Variants in NAXD observed in about 807,000 individuals in gnomAD.
NAXD encodes ATP-dependent (S)-NAD(P)H-hydrate dehydratase.
In NAXD, 22 loss-of-function variants were observed where a neutral mutation model predicts 35.8. The ratio of observed to expected loss-of-function variants is 0.62; its 90% CI spans 0.44 to 0.88. The LOEUF is 0.88. Among genes scored for constraint, NAXD ranks in the 40% least tolerant of loss-of-function variants. NAXD has a pLI of 0.00. For synonymous variants in NAXD, 189 were observed against 177.6 expected (o/e 1.06, Z -0.51); for missense variants, 428 against 437.7 (o/e 0.98, Z 0.20).
intron 1 of NAXD, 68 bp downstream of exon 1, chr13:110,615,715 C>A: frequency 6.6e-7 from 1 of 1,513,484 alleles, no homozygotes; most frequent in Non-Finnish European, 8.8e-7. Context: ...GTCGCCGGCG[C>A]GGTCGTTGTC....
rs1887046928 is a variant in NAXD, at chr13:110,638,768, G to A, written c.*240G>A. ...ACAAAGTATTCCTGAACTTTCCTTAGCTCCTTGGTAGTAACTGGGAAGACA... is the reference window on the plus strand; with the variant it reads ...ACAAAGTATTCCTGAACTTTCCTTAACTCCTTGGTAGTAACTGGGAAGACA... On this transcript the variant is annotated 3_prime_UTR_variant, in exon 10 of 10. Transcript: ENST00000680254. The surrounding 1 kb of genome is among the most constrained non-coding windows in gnomAD (Gnocchi z 5.4). 1 of 678,100 alleles carries A rather than the reference G, an allele frequency of 1.5e-6. No individual in the cohort carries two copies. Among genetic ancestry groups the A allele is most frequent in the Non-Finnish European group, 2.7e-6 (1 of 369,854 alleles). The allele number at this position is 678,100 out of a possible 1,614,324, so 42.0% of individuals were successfully genotyped here.
intron 8 of NAXD, among the ~76,000 whole-genome samples, chr13:110,636,174 G>A (rs1241182871): frequency 2.0e-5 from 3 of 152,188 alleles, no homozygotes; most frequent in Non-Finnish European, 2.9e-5. Context: ...CTGGGGAGCC[G>A]TGCCCTTGTT....
intron 1 of NAXD, among the ~76,000 whole-genome samples, chr13:110,621,753 G>A (rs1343630150): frequency 6.6e-6 from 1 of 151,472 alleles, no homozygotes; most frequent in African/African-American, 2.4e-5. Flanking sequence ...GTTCAGGCTG[G>A]GCATGGTGGT....
At chr13:110,626,030 C>T (rs957679942) in intron 4 of NAXD, among the ~76,000 whole-genome samples, 4 of 152,094 alleles carry the variant, frequency 2.6e-5, no homozygotes, top group South Asian at 4.1e-4. Flanking sequence ...AGAGAGGAGC[C>T]GGCGCGGAGC....
At chr13:110,635,648 C>T (rs952561913) in intron 8 of NAXD, 60 bp downstream of exon 8, 39 of 1,589,274 alleles carry the variant, frequency 2.5e-5, no homozygotes, top group South Asian at 2.3e-4. Flanking sequence ...ATGGCCACAC[C>T]GAGCATGAGC....
chr13:110,622,713 TTG>T (rs1391086378), intron 2 of NAXD, among the ~76,000 whole-genome samples: 5 of 152,220 alleles, frequency 3.3e-5, no homozygotes, highest in Non-Finnish European at 7.3e-5. Context: ...TTGGTTTACT[TTG>T]TCAATTTAAA....
At chr13:110,625,119 C>T (rs181229166) in intron 3 of NAXD, 71 bp from the exon 4 acceptor site, 15 of 1,103,670 alleles carry the variant, frequency 1.4e-5, no homozygotes, top group East Asian at 7.1e-5. Flanking sequence ...GAGCGCTGGA[C>T]GCCTGTGTCT....
In NAXD at chr13:110,624,282, A is replaced by T; in HGVS notation, c.243+3A>T. On this transcript the variant is annotated splice_donor_region_variant and intron_variant, in intron 3 of 9. Transcript: ENST00000680254. ...CAGCAATCTCAGCTCTCAAAGTGGT[A>T]TGTTTACTTAAAATTTCTTTATTGG... 1 of 1,586,648 alleles carries T rather than the reference A, an allele frequency of 6.3e-7. No individual in the cohort carries two copies. The highest frequency in any genetic ancestry group is 8.6e-7 in the Non-Finnish European group (1 of 1,156,508).
intron 4 of NAXD, among the ~76,000 whole-genome samples, chr13:110,626,541 G>T (rs1322258130): frequency 3.6e-5 from 5 of 137,836 alleles, no homozygotes; most frequent in Non-Finnish European, 6.3e-5. Flanking sequence ...AGACGAGGGA[G>T]TAAGAGGCGG....
chr13:110,632,933 A>C (rs184563784), intron 5 of NAXD, among the ~76,000 whole-genome samples: 2,217 of 148,944 alleles, frequency 0.015, 26 homozygotes, highest in South Asian at 0.024. Context: ...GACTCTCCAC[A>C]TCCCCACCAG....
chr13:110,636,768 C>T lies in NAXD; in HGVS notation c.719-361C>T, dbSNP rs992909029. Among the ~76,000 whole-genome samples, 53 of 152,222 alleles carry T rather than the reference C, an allele frequency of 3.5e-4. 1 individual carries two copies. The highest frequency in any genetic ancestry group is 3.3e-4 in the Admixed American group (5 of 15,284). On this transcript the variant is annotated intron_variant, in intron 8 of 9. Transcript: ENST00000680254. ...GAGTGTGGGCTGCAGGTGAGGGCTC[C>T]GTCCCTGGGAGCTGGTGGGAGGAGC... is the stretch of plus-strand genomic sequence containing the variant.
Position 110,638,723 on chromosome 13 carries a change from A to C in NAXD, c.*195A>C, listed in dbSNP as rs1199644432. 5 of 726,362 alleles carry C rather than the reference A, an allele frequency of 6.9e-6. No homozygotes were observed. In the East Asian group the frequency reaches 1.1e-4, roughly 16 times the overall value. 45.0% of individuals were successfully genotyped at this position (726,362 alleles called of 1,614,324 possible). On this transcript the variant is annotated 3_prime_UTR_variant, in exon 10 of 10. Transcript: ENST00000680254. This position sits in a 1 kb window ranked among gnomAD's most constrained non-coding sequence, Gnocchi z 5.4. ...TTGGTTAAACTTAATGCATGGTTGGAGATGTTATGGCGACACTAAACAAAG... is the reference window on the plus strand; with the variant it reads ...TTGGTTAAACTTAATGCATGGTTGGCGATGTTATGGCGACACTAAACAAAG...
At chr13:110,618,919 T>C (rs1382036467) in intron 1 of NAXD, among the ~76,000 whole-genome samples, 1 of 152,164 alleles carries the variant, frequency 6.6e-6, no homozygotes, top group Non-Finnish European at 1.5e-5. Flanking sequence ...GCTTTTCCGC[T>C]CTGGGGAGCA....
Position 110,625,285 on chromosome 13 carries a change from C to T in NAXD, c.332+7C>T, listed in dbSNP as rs576922177. ...TGATCGTCCACCCAGTTCTGTGAGT[C>T]GCTCTGCGCCGGCTTCTCGTAGGTT... On this transcript the variant is annotated splice_region_variant and intron_variant, in intron 4 of 9. Transcript: ENST00000680254. 1.8e-5 allele frequency: 28 copies of T among 1,598,674 alleles called. No homozygotes were observed. Among genetic ancestry groups the T allele is most frequent in the Non-Finnish European group, 2.2e-5 (26 of 1,166,274 alleles).
intron 4 of NAXD, among the ~76,000 whole-genome samples, chr13:110,626,939 C>A (rs935115106): frequency 5.3e-5 from 8 of 152,160 alleles, no homozygotes; most frequent in Non-Finnish European, 8.8e-5. Context: ...GGCTTTACAG[C>A]CACACATGTA....
Position 110,638,945 on chromosome 13 carries a change from G to T in NAXD, c.*417G>T. 5.6e-6 allele frequency: 2 copies of T among 358,410 alleles called. No individual in the cohort carries two copies. The highest frequency in any genetic ancestry group is 4.3e-5 in the South Asian group (2 of 46,622). 22.2% of individuals were successfully genotyped at this position (358,410 alleles called of 1,614,324 possible). On this transcript the variant is annotated 3_prime_UTR_variant, in exon 10 of 10. Transcript: ENST00000680254. The surrounding 1 kb of genome is among the most constrained non-coding windows in gnomAD (Gnocchi z 5.4). ...GCTTCCCTTCCCTAGTCTTTCCTCC[G>T]GCAGGGAGCTGGGCAGGGGTCCCCG...
Position 110,618,399 on chromosome 13 carries a change from GGTTGAT to G in NAXD, c.46+2753_46+2758del, listed in dbSNP as rs1391613882. ...CAGGAGGAGGCGACTCCCGCTGGTG[GGTTGAT>G]CAAGTTGCTGTGAAGGTGGTTTGCA... On this transcript the variant is annotated intron_variant, in intron 1 of 9. Transcript: ENST00000680254. Among the ~76,000 whole-genome samples, 7 of 152,270 alleles carry G rather than the reference GGTTGAT, an allele frequency of 4.6e-5. 1 individual carries two copies. The highest frequency in any genetic ancestry group is 3.9e-4 in the Admixed American group (6 of 15,306).
At chr13:110,625,110 A>G in intron 3 of NAXD, 80 bp from the exon 4 acceptor site, 1 of 1,007,314 alleles carries the variant, frequency 9.9e-7, no homozygotes. Context: ...CTGAGTAATG[A>G]GCGCTGGACG....
chr13:110,619,350 A>G (rs1886176775), intron 1 of NAXD, among the ~76,000 whole-genome samples: 3 of 152,300 alleles, frequency 2.0e-5, no homozygotes, highest in South Asian at 4.1e-4. Context: ...ATACAGTATT[A>G]TCTGGTGGAA....
Sources: allele counts gnomAD v4.1 joint callset (sites outside exome capture counted in the v4.1 genomes callset), GRCh38; gene constraint gnomAD v4.1.1; non-coding constraint Gnocchi (gnomAD v3.1); transcripts MANE v1.5; gene names NCBI Gene and HGNC (gene_info 2026-07-23, HGNC 2026-07-21).